The following GPATCH8 variants were observed in gnomAD, a reference collection of about 807,000 sequenced individuals.
GPATCH8 encodes G patch domain-containing protein 8.
GPATCH8 carries 18 observed loss-of-function variants against 118.3 expected under a neutral mutation model. The ratio of observed to expected loss-of-function variants is 0.15; its 90% confidence interval spans 0.11 to 0.23. The LOEUF is 0.23. Ranked by LOEUF, GPATCH8 falls within the 10% of genes least tolerant of loss-of-function variation. The pLI is 1.00. For missense variants in GPATCH8, 1,631 were observed against 1,873.8 expected (o/e 0.87, Z 2.39); for synonymous variants, 659 against 684.7 (o/e 0.96, Z 0.59).
rs767861472 is a variant in GPATCH8, at chr17:44,400,583, A to G, written c.1494T>C (p.His498=). The change falls in exon 8 of 8, where the codon CAT becomes CAC. Residue 498 remains histidine, a synonymous_variant. Coordinates refer to ENST00000591680, the MANE Select transcript of GPATCH8 (RefSeq NM_001002909.4). Reference sequence around the variant, plus strand: ...TTTGGGTCTCTGAAACCTTCTGACTATGACTTTCTAAACTCTGATCACTTA... The same window carrying G: ...TTTGGGTCTCTGAAACCTTCTGACTGTGACTTTCTAAACTCTGATCACTTA... The part of the protein sequence containing the change: ...GDVSDQSLES[H]SQKVSETQMC... The G allele has an allele frequency of 1.9e-6, 3 of 1,614,014 alleles. No individual in the cohort carries two copies. The African/African-American group carries it at 4.0e-5, about 22-fold the overall frequency.
In GPATCH8 at chr17:44,493,057, T is replaced by TTTTTTTTTG. The variant is rs1555649565; in HGVS notation, c.45+10268_45+10269insCAAAAAAAA. 1.3e-5 allele frequency among the ~76,000 whole-genome samples: 2 copies of TTTTTTTTTG among 148,500 alleles called. 1 individual carries two copies. The highest frequency in any genetic ancestry group is 3.0e-5 in the Non-Finnish European group (2 of 66,914). On this transcript the variant is annotated intron_variant, in intron 1 of 7. Transcript: ENST00000591680. ...ACCAATGGTGGTAAGCCATTAGGTT[T>TTTTTTTTTG]TTTTTTTTTTTTTTAAGACAGAGTC...
At chr17:44,460,373 T>C (rs2051498736) in intron 3 of GPATCH8, among the ~76,000 whole-genome samples, 1 of 152,182 alleles carries the variant, frequency 6.6e-6, no homozygotes, top group South Asian at 2.1e-4. Flanking sequence ...ATTTCTGAAA[T>C]ATTTTAACAA....
chr17:44,395,836 T>A lies in GPATCH8; in HGVS notation c.*1732A>T, dbSNP rs968472816. On this transcript the variant is annotated 3_prime_UTR_variant, in exon 8 of 8. Coordinates refer to ENST00000591680, the MANE Select transcript of GPATCH8 (RefSeq NM_001002909.4). ...AGTTAGGAAAATGCCAAAGTGGGAA[T>A]TGTTAACCTCATCAAAGGAGATGGG... 2.2e-6 allele frequency: 1 copy of A among 454,142 alleles called. No homozygotes were observed. Among genetic ancestry groups the A allele is most frequent in the Non-Finnish European group, 4.4e-6 (1 of 226,796 alleles). 28.1% of individuals were successfully genotyped at this position (454,142 alleles called of 1,614,324 possible).
chr17:44,418,086 A>G (rs2049754255), intron 6 of GPATCH8, among the ~76,000 whole-genome samples: 1 of 152,122 alleles, frequency 6.6e-6, no homozygotes, highest in African/African-American at 2.4e-5. Context: ...AGATTGGAAG[A>G]AAAATCCTGA....
intron 3 of GPATCH8, chr17:44,438,603 A>G (rs894961669): frequency 1.3e-5 from 2 of 152,488 alleles, no homozygotes; most frequent in South Asian, 2.1e-4. Context: ...TACAACAGAG[A>G]AAGTAAGCCT....
chr17:44,451,158 C>A (rs1383065685), intron 3 of GPATCH8, among the ~76,000 whole-genome samples: 1 of 152,076 alleles, frequency 6.6e-6, no homozygotes, highest in African/African-American at 2.4e-5. Flanking sequence ...CTCTGTCACC[C>A]AGGCGGCTCA....
chr17:44,473,667 TG>T (rs1967492464), intron 2 of GPATCH8: 1 of 151,334 alleles, frequency 6.6e-6, no homozygotes, highest in East Asian at 1.9e-4. Flanking sequence ...GAAAGGGAGG[TG>T]GGGAGAAAGA....
rs1183397428 is a variant in GPATCH8 at position 44,399,808 on chromosome 17, T to C, written c.2269A>G (p.Arg757Gly). The change falls in exon 8 of 8, where the codon AGA becomes GGA. Residue 757 changes from arginine (R) to glycine (G), a missense_variant. Arg to Gly is a moderately radical substitution (Grantham distance 125). Coordinates refer to ENST00000591680, the MANE Select transcript of GPATCH8 (RefSeq NM_001002909.4). ...RRRAQDDSQR[R>G]SLPAEEGSSG... ...CTCCCCTCTTCAGCTGGGAGGGATCTCCGCTGGGAGTCATCTTGAGCTCTC... is the reference window on the plus strand; with the variant it reads ...CTCCCCTCTTCAGCTGGGAGGGATCCCCGCTGGGAGTCATCTTGAGCTCTC... 1.9e-6 allele frequency: 3 copies of C among 1,613,148 alleles called. No individual in the cohort carries two copies. The highest frequency in any genetic ancestry group is 2.5e-6 in the Non-Finnish European group (3 of 1,179,568).
At chr17:44,478,504 A>G (rs1293463233) in intron 1 of GPATCH8, among the ~76,000 whole-genome samples, 1 of 151,918 alleles carries the variant, frequency 6.6e-6, no homozygotes, top group Non-Finnish European at 1.5e-5. Context: ...AAAAAACTAG[A>G]TGGGCGTGGT....
chr17:44,396,573 ATTTT>A lies in GPATCH8; in HGVS notation c.*991_*994del, dbSNP rs548169366. ...GCATCTAGCAGAAAACAAATATTTT[ATTTT>A]TTGTTTTCATTTTATAACCTTTAGA... On this transcript the variant is annotated 3_prime_UTR_variant, in exon 8 of 8. Coordinates refer to ENST00000591680, the MANE Select transcript of GPATCH8 (RefSeq NM_001002909.4). The A allele has an allele frequency of 4.6e-6, 2 of 435,332 alleles. No homozygotes were observed. The highest frequency in any genetic ancestry group is 9.0e-6 in the Non-Finnish European group (2 of 221,196). The allele number at this position is 435,332 out of a possible 1,614,324, so 27.0% of individuals were successfully genotyped here. A position where few individuals can be genotyped will look rare whatever the true frequency, so the allele number is the denominator to read the frequency against.
intron 6 of GPATCH8, among the ~76,000 whole-genome samples, chr17:44,411,984 G>A (rs1042767452): frequency 2.8e-4 from 43 of 152,080 alleles, no homozygotes; most frequent in African/African-American, 9.9e-4. Context: ...GTACAATGGC[G>A]CAATCTCAGC....
At chr17:44,417,052 G>A (rs1050732977) in intron 6 of GPATCH8, among the ~76,000 whole-genome samples, 1 of 151,374 alleles carries the variant, frequency 6.6e-6, no homozygotes, top group African/African-American at 2.4e-5. Context: ...TTTTGAGACA[G>A]GGCCTTGCTC....
intron 5 of GPATCH8, among the ~76,000 whole-genome samples, chr17:44,427,693 G>C (rs1415578920): frequency 6.6e-6 from 1 of 152,084 alleles, no homozygotes; most frequent in Non-Finnish European, 1.5e-5. Context: ...AGTAATAGAA[G>C]TAGTGTACAT....
intron 1 of GPATCH8, among the ~76,000 whole-genome samples, chr17:44,488,973 T>C (rs1472482402): frequency 2.0e-5 from 3 of 150,638 alleles, no homozygotes; most frequent in African/African-American, 7.3e-5. Context: ...GTAATCAAAC[T>C]GCTTGAACCC....
At chr17:44,443,149 T>C (rs2050761650) in intron 3 of GPATCH8, among the ~76,000 whole-genome samples, 1 of 152,218 alleles carries the variant, frequency 6.6e-6, no homozygotes, top group African/African-American at 2.4e-5. Context: ...ATCTTTAAAG[T>C]ACTTATTTCT....
intron 3 of GPATCH8, among the ~76,000 whole-genome samples, chr17:44,452,826 T>C (rs1430535053): frequency 6.9e-6 from 1 of 145,438 alleles, no homozygotes; most frequent in Admixed American, 7.0e-5. Context: ...ATCTTCAATA[T>C]CTTTTTTTTT....
intron 1 of GPATCH8, among the ~76,000 whole-genome samples, chr17:44,496,034 A>AT (rs1337541813): frequency 6.6e-6 from 1 of 151,914 alleles, no homozygotes; most frequent in Non-Finnish European, 1.5e-5. Flanking sequence ...CACCCAACTA[A>AT]TTTTTTGTAT....
At chr17:44,427,368 AC>A (rs2050127863) in intron 5 of GPATCH8, among the ~76,000 whole-genome samples, 1 of 152,032 alleles carries the variant, frequency 6.6e-6, no homozygotes, top group African/African-American at 2.4e-5. Context: ...CACTGTTTGC[AC>A]AACCACTTTT....
chr17:44,483,139 A>C, intron 1 of GPATCH8, among the ~76,000 whole-genome samples: 1 of 91,164 alleles, frequency 1.1e-5, no homozygotes, highest in Non-Finnish European at 2.1e-5. Context: ...TGGGCGAAAG[A>C]GTGAGACTCC....
Sources: gnomAD v4.1 joint callset for allele counts (sites outside exome capture counted in the v4.1 genomes callset) on GRCh38, gnomAD v4.1.1 for gene constraint, MANE v1.5 for transcripts, NCBI Gene and HGNC (gene_info 2026-07-23, HGNC 2026-07-21) for gene names.